CSF3R: variants seen among roughly 807,000 people sequenced by gnomAD.
The protein encoded by CSF3R is granulocyte colony-stimulating factor receptor.
A neutral mutation model predicts 84.4 loss-of-function variants in CSF3R; 52 were observed. The ratio of observed to expected loss-of-function variants is 0.62; its 90% CI spans 0.49 to 0.78. CSF3R has a LOEUF of 0.78. Ranked by LOEUF, CSF3R falls within the 30% of genes least tolerant of loss-of-function variation. CSF3R has a pLI of 0.00. For missense variants in CSF3R, 890 were observed against 1,055.7 expected, an observed-to-expected ratio of 0.84 and a Z score of 2.17; for synonymous variants, 384 against 429.1, an observed-to-expected ratio of 0.89 and a Z score of 1.30.
In CSF3R at chr1:36,473,532, G is replaced by T. The variant is rs761312181; in HGVS notation, c.576C>A (p.His192Gln). The T allele has an allele frequency of 1.9e-6, 3 of 1,614,194 alleles. No homozygotes were observed. Among genetic ancestry groups the T allele is most frequent in the South Asian group, 2.2e-5 (2 of 91,086 alleles). The change falls in exon 6 of 17, where the codon CAC becomes CAA. Residue 192 changes from histidine to glutamine, a missense_variant. Physicochemically the swap from His to Gln is conservative, Grantham distance 24. Coordinates refer to ENST00000373106, the MANE Select transcript of CSF3R (RefSeq NM_000760.4). ...GQSHCCIPRK[H>Q]LLLYQNMGIW... ...TGCCCATATTCTGGTACAACAGCAG[G>T]TGTTTGCGTGGGATGCAGCAGTGGC...
intron 3 of CSF3R, 153 bp from the exon 4 acceptor site, chr1:36,475,826 C>A: frequency 1.4e-6 from 1 of 710,764 alleles, no homozygotes; most frequent in Non-Finnish European, 2.3e-6. Context: ...GGGACGGAGA[C>A]TTCGAGAGGC....
Position 36,480,779 on chromosome 1 carries a change from G to T in CSF3R, c.-21+699C>A, listed in dbSNP as rs558203153. On this transcript the variant is annotated intron_variant, in intron 2 of 16. Transcript: ENST00000373106. ...CCCAAGGTTGTTACTGCTCACAGGG[G>T]TCTTACCCAAACCCCCAGTCTATCC... Among the ~76,000 whole-genome samples the T allele has an allele frequency of 2.0e-5, 3 of 152,284 alleles. No individual in the cohort carries two copies. The South Asian group carries it at 6.2e-4, about 32-fold the overall frequency.
chr1:36,466,884 A>G lies in CSF3R; in HGVS notation c.2041-57T>C. On this transcript the variant is annotated intron_variant, in intron 16 of 16. Coordinates refer to ENST00000373106, the MANE Select transcript of CSF3R (RefSeq NM_000760.4). The surrounding 1 kb of genome is among the most constrained non-coding windows in gnomAD (Gnocchi z 4.6). Reference sequence around the variant, plus strand: ...CTCATTTCAGATGTCTGCCCCAGCCACTGTCCCTGTCTGGGTCCGGGCAGC... The same window carrying G: ...CTCATTTCAGATGTCTGCCCCAGCCGCTGTCCCTGTCTGGGTCCGGGCAGC... 5 of 1,614,018 alleles carry G rather than the reference A, an allele frequency of 3.1e-6. No homozygotes were observed. The highest frequency in any genetic ancestry group is 4.2e-6 in the Non-Finnish European group (5 of 1,179,984).
At chr1:36,473,409 T>A (rs756412699) in intron 6 of CSF3R, 26 bp downstream of exon 6, 77 of 1,610,706 alleles carry the variant, frequency 4.8e-5, no homozygotes, top group Non-Finnish European at 5.9e-5. Flanking sequence ...ATTTTGGGGA[T>A]CCCCTCCCTC....
chr1:36,479,843 A>T (rs1651407692), intron 2 of CSF3R: 1 of 384,244 alleles, frequency 2.6e-6, no homozygotes, highest in East Asian at 5.9e-5. Flanking sequence ...AAGCTAGGCT[A>T]CCCCTAGAGA....
intron 3 of CSF3R, 169 bp downstream of exon 3, chr1:36,479,264 G>A: frequency 1.4e-6 from 1 of 734,064 alleles, no homozygotes; most frequent in Non-Finnish European, 2.4e-6. Flanking sequence ...TGGTTTGCCT[G>A]TGGAAGTCTG....
At chr1:36,471,046 GT>G (rs543120792) in intron 10 of CSF3R, among the ~76,000 whole-genome samples, 16 of 150,198 alleles carry the variant, frequency 1.1e-4, no homozygotes, top group Admixed American at 2.0e-4. Context: ...CTCGTTTTTT[GT>G]TTTTTTTTGT....
At position 36,471,619 on chromosome 1, in the gene CSF3R, G is replaced by A. The variant is rs563493972; in HGVS notation, c.1099C>T (p.Arg367Trp). 20 of 1,614,224 alleles carry A rather than the reference G, an allele frequency of 1.2e-5. 1 individual carries two copies. Among genetic ancestry groups the A allele is most frequent in the South Asian group, 7.7e-5 (7 of 91,086 alleles). ...KPVPLEEDSG[R>W]IQGYVVSWRP... Reference sequence around the variant, plus strand: ...CAAGAAACCACATAACCTTGGATCCGTCCGCTGTCTTCCTCCAGGGGCACT... The same window carrying A: ...CAAGAAACCACATAACCTTGGATCCATCCGCTGTCTTCCTCCAGGGGCACT... The change falls in exon 10 of 17, where the codon CGG (arginine) becomes TGG (tryptophan). Residue 367 changes from arginine to tryptophan, a missense_variant. Arg to Trp is a moderately radical substitution (Grantham distance 101). Transcript: ENST00000373106.
intron 3 of CSF3R, chr1:36,475,875 G>T: frequency 1.8e-6 from 1 of 564,206 alleles, no homozygotes; most frequent in Admixed American, 3.2e-5. Flanking sequence ...GCTGGTAACC[G>T]TTTATCAGCC....
At position 36,472,336 on chromosome 1, in the gene CSF3R, G is replaced by A; in HGVS notation, c.899C>T (p.Ala300Val). 1 of 1,614,194 alleles carries A rather than the reference G, an allele frequency of 6.2e-7. No individual in the cohort carries two copies. Among genetic ancestry groups the A allele is most frequent in the African/African-American group, 1.3e-5 (1 of 75,062 alleles). The change falls in exon 8 of 17, where the codon GCC (alanine) becomes GTC (valine). Residue 300 changes from alanine to valine, a missense_variant. By Grantham distance (64) the Ala-to-Val change is moderately conservative. Transcript: ENST00000373106. The surrounding 1 kb of genome is among the most constrained non-coding windows in gnomAD (Gnocchi z 5.0). ...GCGTATCTGCAGGGTGTAGGCCGTG[G>A]CTGGGAGGAGCCCGCAGAGCTCATA... is the stretch of plus-strand genomic sequence containing the variant. ...LQYELCGLLP[A>V]TAYTLQIRCI...
At position 36,467,552 on chromosome 1, in the gene CSF3R, A is replaced by T; in HGVS notation, c.1958+6T>A. 1 of 1,613,414 alleles carries T rather than the reference A, an allele frequency of 6.2e-7. No homozygotes were observed. The highest frequency in any genetic ancestry group is 8.5e-7 in the Non-Finnish European group (1 of 1,179,568). On this transcript the variant is annotated splice_donor_region_variant and intron_variant, in intron 15 of 16. Coordinates refer to ENST00000373106, the MANE Select transcript of CSF3R (RefSeq NM_000760.4). The surrounding 1 kb of genome is among the most constrained non-coding windows in gnomAD (Gnocchi z 4.1). ...GCAGGATCTCAGGTCTCTCAAAGGGACTCACTTGGGGCTGCAACAGAGCCA... is the reference window on the plus strand; with the variant it reads ...GCAGGATCTCAGGTCTCTCAAAGGGTCTCACTTGGGGCTGCAACAGAGCCA...
Position 36,473,604 on chromosome 1 carries a change from C to T in CSF3R, c.504G>A (p.Gln168=), listed in dbSNP as rs775698906. Residue 168 remains glutamine (Q), a synonymous_variant, in exon 6 of 17, where the codon CAG becomes CAA. Coordinates refer to ENST00000373106, the MANE Select transcript of CSF3R (RefSeq NM_000760.4). ...LKSFKSRGNC[Q]TQGDSILDCV... ...AGTCCAGGATGGAGTCCCCTTGGGT[C>T]TGACAGTTGCCCCGGCTCCTGCCAA... is the stretch of plus-strand genomic sequence containing the variant. 3 of 1,614,076 alleles carry T rather than the reference C, an allele frequency of 1.9e-6. No individual in the cohort carries two copies. The highest frequency in any genetic ancestry group is 2.2e-5 in the South Asian group (2 of 91,080).
At chr1:36,471,039 G>A (rs530940281) in intron 10 of CSF3R, among the ~76,000 whole-genome samples, 161 of 151,690 alleles carry the variant, frequency 1.1e-3, no homozygotes, top group Admixed American at 2.6e-3. Context: ...GATAGGACTC[G>A]TTTTTTGTTT....
intron 3 of CSF3R, chr1:36,475,944 GCT>G (rs1157744010): frequency 3.6e-5 from 15 of 415,656 alleles, no homozygotes; most frequent in Non-Finnish European, 6.6e-5. Context: ...CGGTGTAAGT[GCT>G]CTCACTGTAG....
intron 3 of CSF3R, chr1:36,479,007 G>A (rs1331507213): frequency 3.1e-6 from 1 of 317,844 alleles, no homozygotes; most frequent in African/African-American, 2.2e-5. Flanking sequence ...CTGGGGATGG[G>A]AAGTTCTCTA....
Position 36,467,611 on chromosome 1 carries a change from G to A in CSF3R, c.1905C>T (p.Leu635=). The A allele has an allele frequency of 1.2e-6, 2 of 1,614,202 alleles. No individual in the cohort carries two copies. The highest frequency in any genetic ancestry group is 1.7e-6 in the Non-Finnish European group (2 of 1,180,030). Residue 635 remains leucine, a synonymous_variant, in exon 15 of 17, where the codon CTC becomes CTT. Transcript: ENST00000373106. The surrounding 1 kb of genome is among the most constrained non-coding windows in gnomAD (Gnocchi z 4.1). ...ELHIILGLFG[L]LLLLTCLCGT... ...CACAGAGGCAGGTGAGCAACAGCAGGAGGCCGAACAGGCCCAGGATGATGT... is the reference window on the plus strand; with the variant it reads ...CACAGAGGCAGGTGAGCAACAGCAGAAGGCCGAACAGGCCCAGGATGATGT...
chr1:36,473,591 A>G lies in CSF3R; in HGVS notation c.517T>C (p.Ser173Pro), dbSNP rs1006626307. Residue 173 changes from serine (S) to proline (P), a missense_variant, in exon 6 of 17, where the codon TCC becomes CCC. By Grantham distance (74) the Ser-to-Pro change is moderately conservative (BLOSUM62 -1). Coordinates refer to ENST00000373106, the MANE Select transcript of CSF3R (RefSeq NM_000760.4). ...SRGNCQTQGD[S>P]ILDCVPKDGQ... is the part of the protein sequence containing the mutation. ...TCCTTGGGCACGCAGTCCAGGATGG[A>G]GTCCCCTTGGGTCTGACAGTTGCCC... is the stretch of plus-strand genomic sequence containing the variant. The G allele has an allele frequency of 2.5e-6, 4 of 1,614,112 alleles. No homozygotes were observed. In the East Asian group the frequency reaches 6.7e-5, roughly 27 times the overall value.
chr1:36,467,702 G>A lies in CSF3R; in HGVS notation c.1865-51C>T, dbSNP rs1223425425. On this transcript the variant is annotated intron_variant, in intron 14 of 16. Transcript: ENST00000373106. The surrounding 1 kb of genome is among the most constrained non-coding windows in gnomAD (Gnocchi z 4.1). Reference sequence around the variant, plus strand: ...AGTTAGAATGCATGTTGGGAAGGCTGGGTCTCCTCCCTCCGACCAGGGGAT... The same window carrying A: ...AGTTAGAATGCATGTTGGGAAGGCTAGGTCTCCTCCCTCCGACCAGGGGAT... The A allele has an allele frequency of 6.2e-7, 1 of 1,610,594 alleles. No individual in the cohort carries two copies. The highest frequency in any genetic ancestry group is 2.2e-5 in the East Asian group (1 of 44,862).
intron 6 of CSF3R, 148 bp downstream of exon 6, chr1:36,473,287 C>T: frequency 2.4e-6 from 2 of 846,072 alleles, no homozygotes; most frequent in East Asian, 2.7e-5. Flanking sequence ...TCTCCAGCTG[C>T]ACCTTTCTTT....
Sources: allele counts gnomAD v4.1 joint callset (sites outside exome capture counted in the v4.1 genomes callset), GRCh38; gene constraint gnomAD v4.1.1; non-coding constraint Gnocchi (gnomAD v3.1); transcripts MANE v1.5; gene names NCBI Gene and HGNC (gene_info 2026-07-23, HGNC 2026-07-21).